The following CCDC7 variants were observed in gnomAD, a reference collection of about 807,000 sequenced individuals.
CCDC7 encodes the protein coiled-coil domain containing 7.
Under a neutral mutation model 196.9 loss-of-function variants are expected in CCDC7, and 183 were observed. The observed-to-expected ratio is 0.93, with a 90% CI of 0.82 to 1.05. CCDC7 has a LOEUF of 1.05. CCDC7 is among the 50% of genes least tolerant of loss of function. The pLI is 0.00. For missense variants in CCDC7, 1,540 were observed against 1,482.2 expected (o/e 1.04, Z -0.64); for synonymous variants, 525 against 484.6 (o/e 1.08, Z -1.10).
At chr10:32,567,194 A>G (rs1418547975) in intron 14 of CCDC7, among the ~76,000 whole-genome samples, 1 of 147,880 alleles carries the variant, frequency 6.8e-6, no homozygotes, top group African/African-American at 2.5e-5. Flanking sequence ...TTATTTATAT[A>G]GTCTTTTATA....
chr10:32,747,320 A>AC (rs2074942086), intron 28 of CCDC7, among the ~76,000 whole-genome samples: 2 of 152,196 alleles, frequency 1.3e-5, no homozygotes. Context: ...AAGATTTCAT[A>AC]ACAAAGACCC....
At chr10:32,738,800 A>G (rs1303764478) in intron 28 of CCDC7, among the ~76,000 whole-genome samples, 2 of 151,648 alleles carry the variant, frequency 1.3e-5, no homozygotes, top group African/African-American at 4.8e-5. Flanking sequence ...CTTGTCTAAT[A>G]TTTTTTCTCT....
intron 16 of CCDC7, among the ~76,000 whole-genome samples, chr10:32,580,870 G>A (rs1162031652): frequency 1.3e-5 from 2 of 151,418 alleles, no homozygotes; most frequent in Non-Finnish European, 3.0e-5. Context: ...AAAAAATAAA[G>A]AGGGCAGTTT....
Position 32,491,394 on chromosome 10 carries a change from T to G in CCDC7, c.797-528T>G, listed in dbSNP as rs1290750822. The stretch of plus-strand genomic sequence containing the variant: ...TTCATTGATTATTATGGATCATTAT[T>G]ATGTTGGTTCTCTTTTAAGTAGCAT... On this transcript the variant is annotated intron_variant, in intron 8 of 41. Coordinates refer to ENST00000639629, the Ensembl canonical transcript of CCDC7. Among the ~76,000 whole-genome samples, 3 of 152,200 alleles carry G rather than the reference T, an allele frequency of 2.0e-5. 1 individual carries two copies. The highest frequency in any genetic ancestry group is 2.9e-5 in the Non-Finnish European group (2 of 68,026).
At chr10:32,710,965 T>C (rs2080721451) in intron 24 of CCDC7, among the ~76,000 whole-genome samples, 6 of 152,128 alleles carry the variant, frequency 3.9e-5, no homozygotes, top group Admixed American at 3.9e-4. Flanking sequence ...CAAAAAGACA[T>C]TGGGCAAAGG....
intron 28 of CCDC7, among the ~76,000 whole-genome samples, chr10:32,752,832 A>G (rs2075867341): frequency 6.6e-6 from 1 of 152,160 alleles, no homozygotes; most frequent in Admixed American, 6.5e-5. Flanking sequence ...CCTTGGTCTC[A>G]GACCCCTGTC....
chr10:32,644,737 C>T (rs1161025062), intron 20 of CCDC7, among the ~76,000 whole-genome samples: 1 of 152,210 alleles, frequency 6.6e-6, no homozygotes, highest in African/African-American at 2.4e-5. Context: ...ACTTCTTCCT[C>T]ATTCTCTTCT....
chr10:32,738,528 G>A (rs1355337427), intron 28 of CCDC7, among the ~76,000 whole-genome samples: 2 of 128,950 alleles, frequency 1.6e-5, no homozygotes, highest in Non-Finnish European at 3.1e-5. Context: ...AGTCTAGAGT[G>A]TCATGGTGTG....
intron 25 of CCDC7, among the ~76,000 whole-genome samples, chr10:32,723,431 C>A (rs531418627): frequency 6.6e-6 from 1 of 152,214 alleles, no homozygotes; most frequent in East Asian, 1.9e-4. Context: ...ACCTAAAAAA[C>A]TGAGTCTTGT....
In CCDC7 at chr10:32,686,139, T is replaced by C; in HGVS notation, c.2233+59T>C. On this transcript the variant is annotated intron_variant, in intron 22 of 41. Coordinates refer to ENST00000639629, the Ensembl canonical transcript of CCDC7. Reference sequence around the variant, plus strand: ...TTTTAAATTAGTCACAGCAAAGGTATTTTTCTTCAGTTCATGAATCTTGAA... The same window carrying C: ...TTTTAAATTAGTCACAGCAAAGGTACTTTTCTTCAGTTCATGAATCTTGAA... 3 of 854,984 alleles carry C rather than the reference T, an allele frequency of 3.5e-6. No individual in the cohort carries two copies. In the South Asian group the frequency reaches 6.5e-5, roughly 18 times the overall value. 53.0% of individuals were successfully genotyped at this position (854,984 alleles called of 1,614,324 possible).
intron 16 of CCDC7, among the ~76,000 whole-genome samples, chr10:32,573,532 A>G (rs2057834567): frequency 6.6e-6 from 1 of 152,156 alleles, no homozygotes; most frequent in African/African-American, 2.4e-5. Context: ...TGATAATGTT[A>G]CCTAGTGAGT....
chr10:32,756,816 TAG>T (rs1367430821), intron 28 of CCDC7, among the ~76,000 whole-genome samples: 1 of 151,754 alleles, frequency 6.6e-6, no homozygotes, highest in African/African-American at 2.4e-5. Flanking sequence ...GCAAATTGGA[TAG>T]AGTCAAGATC....
chr10:32,665,325 A>G (rs995763205), intron 21 of CCDC7, among the ~76,000 whole-genome samples: 1 of 151,872 alleles, frequency 6.6e-6, no homozygotes, highest in African/African-American at 2.4e-5. Context: ...GTTTAATACC[A>G]TTTACTTATT....
chr10:32,642,451 G>A (rs7069975), intron 20 of CCDC7, among the ~76,000 whole-genome samples: 2 of 152,144 alleles, frequency 1.3e-5, no homozygotes, highest in African/African-American at 4.8e-5. Flanking sequence ...CTCCGAGCCA[G>A]GTGCGGGATA....
rs1371105220 is a variant in CCDC7 at position 32,728,934 on chromosome 10, TC to T, written c.2717del (p.Ser906Ter). 2 of 1,610,032 alleles carry T rather than the reference TC, an allele frequency of 1.2e-6. No individual in the cohort carries two copies. Among genetic ancestry groups the T allele is most frequent in the Admixed American group, 1.7e-5 (1 of 59,806 alleles). ...AAATGTGATTTCTGTTCATCAAGAT[TC>T]AAAGTCAAAACTCCAAATGCAAGAA... On this transcript the variant is annotated frameshift_variant, in exon 27 of 42. Transcript: ENST00000639629. LOFTEE classifies it high-confidence loss of function.
At chr10:32,693,855 C>T (rs1005736476) in intron 23 of CCDC7, among the ~76,000 whole-genome samples, 6 of 152,110 alleles carry the variant, frequency 3.9e-5, no homozygotes, top group Admixed American at 6.6e-5. Context: ...TATGGCATAG[C>T]ATTCTGTCGA....
intron 18 of CCDC7, among the ~76,000 whole-genome samples, chr10:32,598,147 C>G: frequency 6.6e-6 from 1 of 152,214 alleles, no homozygotes; most frequent in East Asian, 1.9e-4. Context: ...CTGCAGTGGG[C>G]TCCACCCAGT....
At chr10:32,830,121 G>GATATATATATATATATATATAT in intron 32 of CCDC7, among the ~76,000 whole-genome samples, 1,620 of 50,214 alleles carry the variant, frequency 0.032, 249 homozygotes, top group Non-Finnish European at 0.048. Flanking sequence ...TATATATAAG[G>GATATATATATATATATATATAT]ATATATATAT....
intron 31 of CCDC7, among the ~76,000 whole-genome samples, chr10:32,823,342 ATG>A (rs111743436): frequency 0.061 from 9,243 of 152,066 alleles, 862 homozygotes; most frequent in African/African-American, 0.2. Flanking sequence ...AGGTTTCACT[ATG>A]TTGGCCAGGC....
Sources: gnomAD v4.1 joint callset for allele counts (sites outside exome capture counted in the v4.1 genomes callset) on GRCh38, gnomAD v4.1.1 for gene constraint, MANE v1.5 for transcripts, NCBI Gene and HGNC (gene_info 2026-07-23, HGNC 2026-07-21) for gene names.